The following FRYL variants were observed in gnomAD, a reference collection of about 807,000 sequenced individuals.
The protein encoded by FRYL is FRY like transcription coactivator.
A neutral mutation model predicts 351.2 loss-of-function variants in FRYL; 150 were observed. The observed-to-expected ratio is 0.43, with a 90% CI of 0.37 to 0.49. The LOEUF (loss-of-function observed/expected upper bound fraction) is 0.49. Ranked by LOEUF, FRYL falls within the 20% of genes least tolerant of loss-of-function variation. The probability of loss-of-function intolerance (pLI) is 0.00; values close to 1 mark genes in which losing one functional copy is unlikely to be tolerated. For missense variants in FRYL, 3,036 were observed against 3,619.3 expected, an observed-to-expected ratio of 0.84 and a Z score of 4.13; for synonymous variants, 1,153 against 1,257.1, an observed-to-expected ratio of 0.92 and a Z score of 1.75.
chr4:48,527,709 G>T lies in FRYL; in HGVS notation c.7141-56C>A, dbSNP rs988112544. 4.6e-6 allele frequency: 7 copies of T among 1,524,262 alleles called. No homozygotes were observed. In the African/African-American group the frequency reaches 9.8e-5, roughly 21 times the overall value. The allele number at this position is 1,524,262 out of a possible 1,614,324, so 94.4% of individuals were successfully genotyped here. A position where few individuals can be genotyped will look rare whatever the true frequency, so the allele number is the denominator to read the frequency against. ...CCATCCATCAGATTTGTCACTCTGC[G>T]TATGAGGTATCAGTACCCCAAAGCC... On this transcript the variant is annotated intron_variant, in intron 52 of 63. Coordinates refer to ENST00000358350, the MANE Select transcript of FRYL (RefSeq NM_015030.2).
At chr4:48,508,717 A>G (rs1721838507) in intron 59 of FRYL, among the ~76,000 whole-genome samples, 1 of 152,150 alleles carries the variant, frequency 6.6e-6, no homozygotes, top group African/African-American at 2.4e-5. Flanking sequence ...CTGACTGTCA[A>G]TGGAACGCCT....
Position 48,609,798 on chromosome 4 carries a change from G to C in FRYL, c.437C>G (p.Pro146Arg), listed in dbSNP as rs766760419. ...TAAGTTTAGAACTTCATGAACTAAG[G>C]GATCGGGTACAGGATGAACAGGAAT... is the stretch of plus-strand genomic sequence containing the variant. ...KQIPVHPVPDPLVHEVLNLAF... is the reference protein window; with the variant it reads ...KQIPVHPVPDRLVHEVLNLAF... The change falls in exon 8 of 64, where the codon CCC becomes CGC. Residue 146 changes from proline to arginine, a missense_variant. Around this residue, in one of 7 missense-constraint regions of FRYL, gnomAD observed 457 missense variants for 566.6 expected, o/e 0.81. Transcript: ENST00000358350. 3 of 1,594,672 alleles carry C rather than the reference G, an allele frequency of 1.9e-6. No individual in the cohort carries two copies. The highest frequency in any genetic ancestry group is 2.6e-6 in the Non-Finnish European group (3 of 1,167,950).
chr4:48,771,139 GA>G (rs1363000915), intron 1 of FRYL, among the ~76,000 whole-genome samples: 1 of 152,058 alleles, frequency 6.6e-6, no homozygotes, highest in African/African-American at 2.4e-5. Context: ...TCTAAGGCAG[GA>G]AAAGGTGAAA....
chr4:48,552,313 TAGAA>T (rs1165509657), intron 36 of FRYL, among the ~76,000 whole-genome samples: 1 of 151,394 alleles, frequency 6.6e-6, no homozygotes, highest in African/African-American at 2.4e-5. Context: ...GGCAAATGAC[TAGAA>T]AGAGTTTTCT....
intron 1 of FRYL, among the ~76,000 whole-genome samples, chr4:48,735,118 T>G: frequency 1.1e-5 from 1 of 93,760 alleles, no homozygotes; most frequent in Non-Finnish European, 2.1e-5. Context: ...TCAAACAAAT[T>G]TACAAGAAAA....
At chr4:48,534,767 G>C (rs1728500708) in intron 48 of FRYL, 82 bp from the exon 49 acceptor site, 1 of 840,028 alleles carries the variant, frequency 1.2e-6, no homozygotes, top group Non-Finnish European at 1.8e-6. Flanking sequence ...TGACAGGTTG[G>C]AAAACATAGA....
At chr4:48,679,855 C>G (rs896753725) in intron 3 of FRYL, among the ~76,000 whole-genome samples, 1 of 151,864 alleles carries the variant, frequency 6.6e-6, no homozygotes, top group South Asian at 2.1e-4. Context: ...AATATGAAAT[C>G]TTATACTAAT....
At chr4:48,702,592 T>C (rs1766871059) in intron 2 of FRYL, among the ~76,000 whole-genome samples, 1 of 148,138 alleles carries the variant, frequency 6.8e-6, no homozygotes, top group South Asian at 2.2e-4. Context: ...TGAAACCCCG[T>C]CTCTACTAAA....
At chr4:48,730,906 TAA>T (rs1560325864) in intron 1 of FRYL, among the ~76,000 whole-genome samples, 1 of 152,064 alleles carries the variant, frequency 6.6e-6, no homozygotes, top group Non-Finnish European at 1.5e-5. Flanking sequence ...ATGCCCCAAT[TAA>T]AAGACACAGA....
At position 48,558,933 on chromosome 4, in the gene FRYL, T is replaced by C. The variant is rs536514629; in HGVS notation, c.3866-1221A>G. On this transcript the variant is annotated intron_variant, in intron 33 of 63. Transcript: ENST00000358350. ...CTCCTTTGCTCCTCTCTTTCCATGC[T>C]AGACCCTGTACTTACTTACTCATTA... Among the ~76,000 whole-genome samples, 71 of 152,332 alleles carry C rather than the reference T, an allele frequency of 4.7e-4. 1 individual carries two copies. The highest frequency in any genetic ancestry group is 6.8e-4 in the Non-Finnish European group (46 of 68,030).
At chr4:48,685,538 G>C (rs982925230) in intron 2 of FRYL, among the ~76,000 whole-genome samples, 2 of 151,772 alleles carry the variant, frequency 1.3e-5, no homozygotes, top group Non-Finnish European at 2.9e-5. Context: ...GTATCTGCTA[G>C]GCCTGATATT....
At chr4:48,691,798 C>T (rs1003276213) in intron 2 of FRYL, among the ~76,000 whole-genome samples, 11 of 152,118 alleles carry the variant, frequency 7.2e-5, no homozygotes, top group African/African-American at 2.4e-4. Context: ...GGTCTTCCTA[C>T]ATAAATTAAA....
chr4:48,721,545 G>A (rs1769474854), intron 1 of FRYL, among the ~76,000 whole-genome samples: 1 of 152,126 alleles, frequency 6.6e-6, no homozygotes. Context: ...CATTACACTA[G>A]TGGAAGGGTC....
chr4:48,596,485 G>A (rs2149231054), intron 13 of FRYL, among the ~76,000 whole-genome samples: 1 of 152,252 alleles, frequency 6.6e-6, no homozygotes, highest in Admixed American at 6.5e-5. Context: ...TGAATAGGGA[G>A]TTAAGAGCGT....
chr4:48,635,245 G>A (rs1753988475), intron 3 of FRYL, among the ~76,000 whole-genome samples: 1 of 152,106 alleles, frequency 6.6e-6, no homozygotes, highest in Non-Finnish European at 1.5e-5. Flanking sequence ...TATGGAGAGG[G>A]ATAGAATCTG....
chr4:48,718,725 C>G (rs956208806), intron 1 of FRYL, among the ~76,000 whole-genome samples: 1 of 151,518 alleles, frequency 6.6e-6, no homozygotes, highest in African/African-American at 2.4e-5. Flanking sequence ...TAAAGTCCCT[C>G]CTTCTTGTGC....
At chr4:48,669,108 T>TAAA (rs1762233664) in intron 3 of FRYL, among the ~76,000 whole-genome samples, 1 of 152,238 alleles carries the variant, frequency 6.6e-6, no homozygotes, top group African/African-American at 2.4e-5. Flanking sequence ...TAGTATGTTT[T>TAAA]ACTTGCTATT....
chr4:48,654,309 A>C (rs2102397), intron 3 of FRYL, among the ~76,000 whole-genome samples: 64,484 of 146,776 alleles, frequency 0.44, 15,797 homozygotes, highest in Admixed American at 0.6. Flanking sequence ...AAAAAAAAAA[A>C]AAAAACAAAA....
At chr4:48,764,648 G>A (rs893426521) in intron 1 of FRYL, among the ~76,000 whole-genome samples, 4 of 152,168 alleles carry the variant, frequency 2.6e-5, no homozygotes, top group Non-Finnish European at 4.4e-5. Flanking sequence ...GAATACTTAC[G>A]AATAAATTTA....
Sources: allele counts gnomAD v4.1 joint callset (sites outside exome capture counted in the v4.1 genomes callset), GRCh38; gene constraint gnomAD v4.1.1; regional missense constraint gnomAD v4.1.1; transcripts MANE v1.5; gene names NCBI Gene and HGNC (gene_info 2026-07-23, HGNC 2026-07-21).